Variants in GALNTL5 observed in about 807,000 individuals in gnomAD.
The protein encoded by GALNTL5 is polypeptide N-acetylgalactosaminyltransferase like 5, also known as inactive polypeptide N-acetylgalactosaminyltransferase-like protein 5.
A neutral mutation model predicts 51.0 loss-of-function variants in GALNTL5; 44 were observed. That is an observed-to-expected ratio of 0.86 (90% CI 0.68 to 1.11). The LOEUF is 1.11. GALNTL5 is among the 50% of genes least tolerant of loss of function. The pLI, the probability that GALNTL5 is intolerant of heterozygous loss-of-function variation, is 0.00. For synonymous variants in GALNTL5, 192 were observed against 182.8 expected, an observed-to-expected ratio of 1.05 and a Z score of -0.41; for missense variants, 528 against 531.8, an observed-to-expected ratio of 0.99 and a Z score of 0.07.
Position 151,992,303 on chromosome 7 carries a change from T to C in GALNTL5, c.658+5022T>C, listed in dbSNP as rs143939506. 2.1e-3 allele frequency among the ~76,000 whole-genome samples: 315 copies of C among 152,338 alleles called. 4 individuals carry two copies. The highest frequency in any genetic ancestry group is 4.7e-4 in the Non-Finnish European group (32 of 68,026). ...ATCATTTAGTTACTATGTTGATGTGTATTAGTTTCCTAGGACTGTTATAAT... is the reference window on the plus strand; with the variant it reads ...ATCATTTAGTTACTATGTTGATGTGCATTAGTTTCCTAGGACTGTTATAAT... On this transcript the variant is annotated intron_variant, in intron 5 of 8. Transcript: ENST00000392800.
chr7:151,990,436 C>T (rs1350199808), intron 5 of GALNTL5, among the ~76,000 whole-genome samples: 1 of 150,824 alleles, frequency 6.6e-6, no homozygotes, highest in Non-Finnish European at 1.5e-5. Flanking sequence ...AAAATATTAG[C>T]CGGGCGTGGT....
intron 5 of GALNTL5, among the ~76,000 whole-genome samples, chr7:151,998,762 A>T (rs1323776324): frequency 1.5e-5 from 2 of 132,896 alleles, no homozygotes; most frequent in Non-Finnish European, 3.1e-5. Flanking sequence ...ACAGAGCGAG[A>T]CTCTATCTAA....
chr7:151,993,517 ATTAT>A lies in GALNTL5; in HGVS notation c.658+6239_658+6242del, dbSNP rs1430279541. On this transcript the variant is annotated intron_variant, in intron 5 of 8. Transcript: ENST00000392800. The stretch of plus-strand genomic sequence containing the variant: ...CAAACGATTTTCAGAGATTTTAAAA[ATTAT>A]TTGTTAATTATTTATTACTAAACTG... Among the ~76,000 whole-genome samples, 3 of 152,210 alleles carry A rather than the reference ATTAT, an allele frequency of 2.0e-5. No individual in the cohort carries two copies. In the East Asian group the frequency reaches 5.8e-4, roughly 29 times the overall value.
intron 4 of GALNTL5, among the ~76,000 whole-genome samples, chr7:151,984,781 C>T (rs2081339823): frequency 6.6e-6 from 1 of 152,096 alleles, no homozygotes; most frequent in South Asian, 2.1e-4. Context: ...CAGCAGGGGA[C>T]AGGGTGGGAT....
rs2081595802 is a variant in GALNTL5, at chr7:152,002,703, T to G, written c.659-11T>G. 1 of 1,613,572 alleles carries G rather than the reference T, an allele frequency of 6.2e-7. No individual in the cohort carries two copies. Among genetic ancestry groups the G allele is most frequent in the African/African-American group, 1.3e-5 (1 of 74,938 alleles). On this transcript the variant is annotated splice_polypyrimidine_tract_variant and intron_variant, in intron 5 of 8. Transcript: ENST00000392800. The stretch of plus-strand genomic sequence containing the variant: ...ATGTGGACTAACATTGCCCTGTTCT[T>G]GCCTCCCCAGGGGATGTTCTGGTGT...
intron 5 of GALNTL5, among the ~76,000 whole-genome samples, chr7:151,987,583 C>G (rs915725324): frequency 2.0e-4 from 23 of 112,642 alleles, no homozygotes; most frequent in African/African-American, 7.0e-4. Context: ...AGGGGACCCA[C>G]TGGGAGCCAC....
chr7:151,990,313 G>A (rs10952343), intron 5 of GALNTL5, among the ~76,000 whole-genome samples: 82,183 of 151,050 alleles, frequency 0.54, 23,654 homozygotes, highest in Middle Eastern at 0.69. Flanking sequence ...TGAAGTGTTG[G>A]GATTACAGGC....
intron 3 of GALNTL5, among the ~76,000 whole-genome samples, chr7:151,980,207 C>T (rs1204168526): frequency 6.6e-6 from 1 of 152,114 alleles, no homozygotes; most frequent in Non-Finnish European, 1.5e-5. Flanking sequence ...CCTCAGCCTC[C>T]TGAGAAGCTG....
intron 3 of GALNTL5, among the ~76,000 whole-genome samples, chr7:151,975,112 G>A (rs549992645): frequency 3.9e-4 from 60 of 152,176 alleles, no homozygotes; most frequent in African/African-American, 1.4e-3. Context: ...GTTTGGAAGT[G>A]TTTCTTCCTC....
At chr7:151,962,421 G>A (rs1391011043) in intron 1 of GALNTL5, among the ~76,000 whole-genome samples, 1 of 64,704 alleles carries the variant, frequency 1.5e-5, no homozygotes, top group African/African-American at 4.5e-5. Flanking sequence ...AAAAAAGTCT[G>A]TGTGATTTTT....
At chr7:151,972,806 T>C (rs1425023546) in intron 3 of GALNTL5, among the ~76,000 whole-genome samples, 10 of 152,214 alleles carry the variant, frequency 6.6e-5, no homozygotes, top group Non-Finnish European at 2.9e-5. Flanking sequence ...CACCTGGATG[T>C]CCAGGCAGAA....
chr7:151,959,597 C>T (rs1276845248), intron 1 of GALNTL5, among the ~76,000 whole-genome samples: 1 of 152,144 alleles, frequency 6.6e-6, no homozygotes, highest in East Asian at 1.9e-4. Context: ...TTTACATTCC[C>T]CCTCCCTTAA....
In GALNTL5 at chr7:151,965,426, G is replaced by A. The variant is rs576567535; in HGVS notation, c.-39-1782G>A. ...ATCTATCATCTTTAAAGGAAACCTCGCAAGACTTTCTTCTTTCTTTTTAAA... is the reference window on the plus strand; with the variant it reads ...ATCTATCATCTTTAAAGGAAACCTCACAAGACTTTCTTCTTTCTTTTTAAA... On this transcript the variant is annotated intron_variant, in intron 1 of 8. Transcript: ENST00000392800. Among the ~76,000 whole-genome samples the A allele has an allele frequency of 5.5e-4, 84 of 152,218 alleles. 1 individual carries two copies. Among genetic ancestry groups the A allele is most frequent in the African/African-American group, 1.8e-3 (73 of 41,540 alleles).
rs531063312 is a variant in GALNTL5, at chr7:151,958,973, TG to T, written c.-40+2366del. The stretch of plus-strand genomic sequence containing the variant: ...GGGCTCAGAATGGGGAAGTACATGC[TG>T]GAAAGAGCACCAGTCCTTCCAGGTG... On this transcript the variant is annotated intron_variant, in intron 1 of 8. Coordinates refer to ENST00000392800, the MANE Select transcript of GALNTL5 (RefSeq NM_145292.4). Among the ~76,000 whole-genome samples, 75 of 152,218 alleles carry T rather than the reference TG, an allele frequency of 4.9e-4. 1 individual carries two copies. Among genetic ancestry groups the T allele is most frequent in the South Asian group, 3.9e-3 (19 of 4,822 alleles).
chr7:151,981,923 C>T (rs1287491980), intron 3 of GALNTL5, among the ~76,000 whole-genome samples: 1 of 151,236 alleles, frequency 6.6e-6, no homozygotes, highest in Admixed American at 6.6e-5. Flanking sequence ...GCCAGGATTA[C>T]AGACATGAGC....
chr7:151,984,208 T>C (rs1347975831), intron 4 of GALNTL5: 1 of 152,262 alleles, frequency 6.6e-6, no homozygotes, highest in East Asian at 1.9e-4. Context: ...GTTAAGTGTG[T>C]ATTCTTTCAT....
chr7:151,978,301 A>G (rs1466266330), intron 3 of GALNTL5, among the ~76,000 whole-genome samples: 2 of 152,252 alleles, frequency 1.3e-5, no homozygotes, highest in African/African-American at 2.4e-5. Flanking sequence ...TTGGATTTGA[A>G]CAAATGAATA....
At chr7:151,999,953 G>A (rs78842080) in intron 5 of GALNTL5, among the ~76,000 whole-genome samples, 1 of 152,322 alleles carries the variant, frequency 6.6e-6, no homozygotes, top group African/African-American at 2.4e-5. Flanking sequence ...GCCAGATTGA[G>A]TCATGTTGTT....
chr7:151,979,622 AT>A (rs2081254545), intron 3 of GALNTL5, among the ~76,000 whole-genome samples: 1 of 149,612 alleles, frequency 6.7e-6, no homozygotes, highest in South Asian at 2.1e-4. Context: ...ACCACGGCTA[AT>A]TTTTTGGATT....
Sources: allele counts gnomAD v4.1 joint callset (sites outside exome capture counted in the v4.1 genomes callset), GRCh38; gene constraint gnomAD v4.1.1; transcripts MANE v1.5; gene names NCBI Gene and HGNC (gene_info 2026-07-23, HGNC 2026-07-21).